CADPS: variants seen among roughly 807,000 people sequenced by gnomAD.
The protein encoded by CADPS is calcium dependent secretion activator.
A neutral mutation model predicts 167.3 loss-of-function variants in CADPS; 57 were observed. That is an observed-to-expected ratio of 0.34 (90% CI 0.28 to 0.42). CADPS has a LOEUF of 0.42. Ranked by LOEUF, CADPS falls within the 20% of genes least tolerant of loss-of-function variation. CADPS has a pLI of 1.00. For missense variants in CADPS, 1,414 were observed against 1,738.1 expected (o/e 0.81, Z 3.32); for synonymous variants, 676 against 635.3 (o/e 1.06, Z -0.96).
chr3:62,481,829 C>T lies in CADPS; in HGVS notation c.3067G>A (p.Val1023Met). 2.5e-6 allele frequency: 4 copies of T among 1,611,410 alleles called. No individual in the cohort carries two copies. Among genetic ancestry groups the T allele is most frequent in the Non-Finnish European group, 3.4e-6 (4 of 1,178,902 alleles). Reference protein sequence around the residue: ...SNLPNVNLPNVNLPKVPNLPV... With the variant: ...SNLPNVNLPNMNLPKVPNLPV... ...AGATTTGGTACTTTGGGAAGGTTCA[C>T]ATTGGGTAGGTTCACATTGGGTAGG... The change falls in exon 22 of 30, where the codon GTG becomes ATG. Residue 1023 changes from valine to methionine, a missense_variant. Physicochemically the swap from Val to Met is conservative, Grantham distance 21. Coordinates refer to ENST00000383710, the MANE Select transcript of CADPS (RefSeq NM_003716.4).
intron 24 of CADPS, chr3:62,467,262 C>T: frequency 8.7e-7 from 1 of 1,144,954 alleles, no homozygotes; most frequent in Non-Finnish European, 1.1e-6. Context: ...AATAACAATG[C>T]AAGACATTGT....
intron 11 of CADPS, among the ~76,000 whole-genome samples, chr3:62,546,425 AT>A (rs1169370410): frequency 6.6e-6 from 1 of 152,156 alleles, no homozygotes; most frequent in Non-Finnish European, 1.5e-5. Flanking sequence ...CACGGTAAGT[AT>A]GAATCAACAC....
chr3:62,489,043 G>T (rs1005954656), intron 21 of CADPS, among the ~76,000 whole-genome samples: 1 of 151,980 alleles, frequency 6.6e-6, no homozygotes, highest in Non-Finnish European at 1.5e-5. Flanking sequence ...ATATTCCCAA[G>T]AAAACATCCC....
chr3:62,668,909 G>C (rs958643564), intron 3 of CADPS, among the ~76,000 whole-genome samples: 23 of 152,184 alleles, frequency 1.5e-4, no homozygotes, highest in African/African-American at 5.5e-4. Flanking sequence ...AACGATCAGT[G>C]AGGGCTGGGA....
intron 3 of CADPS, among the ~76,000 whole-genome samples, chr3:62,703,834 A>G (rs1469362773): frequency 3.3e-5 from 5 of 152,156 alleles, no homozygotes; most frequent in Admixed American, 3.3e-4. Context: ...TCCCCAATGC[A>G]GCAGTCGGCA....
Position 62,874,756 on chromosome 3 carries a change from G to T in CADPS, c.274C>A (p.Pro92Thr). The change falls in exon 1 of 30, where the codon CCC becomes ACC. Residue 92 changes from proline (P) to threonine (T), a missense_variant. This residue lies in a region of CADPS where 522 missense variants were observed against 559.5 expected (regional missense o/e 0.93). Transcript: ENST00000383710. This position sits in a 1 kb window ranked among gnomAD's most constrained non-coding sequence, Gnocchi z 7.1. ...SRAGGGRPSSPSPSVVSEKEK... is the reference protein window; with the variant it reads ...SRAGGGRPSSTSPSVVSEKEK... ...TTCTCGCTCACCACCGACGGGCTGG[G>T]GCTGGAGGGCCGGCCGCCGCCAGCG... 1 of 1,475,764 alleles carries T rather than the reference G, an allele frequency of 6.8e-7. No homozygotes were observed. Among genetic ancestry groups the T allele is most frequent in the Non-Finnish European group, 9.2e-7 (1 of 1,087,868 alleles). The allele number at this position is 1,475,764 out of a possible 1,614,324, so 91.4% of individuals were successfully genotyped here.
chr3:62,417,284 T>C (rs1210971917), intron 28 of CADPS, among the ~76,000 whole-genome samples: 8 of 127,336 alleles, frequency 6.3e-5, no homozygotes, highest in South Asian at 5.9e-4. Flanking sequence ...CTCTTTTTTT[T>C]TTTTTTTTTT....
At chr3:62,592,828 T>A (rs2086357639) in intron 6 of CADPS, 80 bp from the exon 7 acceptor site, 2 of 1,038,246 alleles carry the variant, frequency 1.9e-6, no homozygotes. Context: ...CCAGGTCAGG[T>A]GAATGCAGGG....
Position 62,438,233 on chromosome 3 carries a change from T to G in CADPS, c.3670-22A>C. 6.3e-7 allele frequency: 1 copy of G among 1,575,450 alleles called. No homozygotes were observed. The stretch of plus-strand genomic sequence containing the variant: ...GTTTCTGTAAAGAAACAGGAAAACA[T>G]GAAAACGAATTTTCAGACAGCCACT... On this transcript the variant is annotated intron_variant, in intron 27 of 29. Transcript: ENST00000383710. This position sits in a 1 kb window ranked among gnomAD's most constrained non-coding sequence, Gnocchi z 4.7.
At chr3:62,569,797 T>C (rs907268592) in intron 9 of CADPS, among the ~76,000 whole-genome samples, 1 of 152,192 alleles carries the variant, frequency 6.6e-6, no homozygotes, top group Non-Finnish European at 1.5e-5. Context: ...ATAAATTAGA[T>C]TTCTGCAAAT....
intron 2 of CADPS, among the ~76,000 whole-genome samples, chr3:62,758,625 GT>G (rs2084603653): frequency 6.6e-6 from 1 of 152,192 alleles, no homozygotes; most frequent in South Asian, 2.1e-4. Context: ...GTTTGTTTCT[GT>G]TTTTGCTTTT....
intron 3 of CADPS, among the ~76,000 whole-genome samples, chr3:62,696,466 G>A (rs953320927): frequency 3.3e-5 from 5 of 151,956 alleles, no homozygotes; most frequent in South Asian, 4.2e-4. Flanking sequence ...ATAGGGCCCT[G>A]CCTCTGAGCT....
In CADPS at chr3:62,616,052, C is replaced by T. The variant is rs538152911; in HGVS notation, c.1326-23304G>A. Among the ~76,000 whole-genome samples the T allele has an allele frequency of 1.7e-3, 259 of 152,202 alleles. 1 individual carries two copies. Among genetic ancestry groups the T allele is most frequent in the African/African-American group, 2.9e-3 (120 of 41,546 alleles). On this transcript the variant is annotated intron_variant, in intron 6 of 29. Coordinates refer to ENST00000383710, the MANE Select transcript of CADPS (RefSeq NM_003716.4). ...TTTTCCTTTGCCTACAAATGTTTTT[C>T]CCCTTTTCTATCAGTAGCTTAGGCT...
intron 1 of CADPS, among the ~76,000 whole-genome samples, chr3:62,851,526 A>T: frequency 1.4e-5 from 2 of 145,028 alleles, no homozygotes; most frequent in African/African-American, 5.1e-5. Context: ...TTTCTCCTTC[A>T]CTTATGAAGC....
At chr3:62,613,991 T>C (rs2061878177) in intron 6 of CADPS, among the ~76,000 whole-genome samples, 1 of 151,910 alleles carries the variant, frequency 6.6e-6, no homozygotes, top group African/African-American at 2.4e-5. Flanking sequence ...CCTGAGAGAG[T>C]GCTCCCACCT....
chr3:62,797,709 A>G (rs140712022), intron 1 of CADPS, among the ~76,000 whole-genome samples: 2,090 of 152,100 alleles, frequency 0.014, 29 homozygotes, highest in South Asian at 0.031. Context: ...AAAATAACTA[A>G]CGGGTACTAG....
intron 7 of CADPS, among the ~76,000 whole-genome samples, chr3:62,592,218 G>A (rs977774836): frequency 2.0e-5 from 3 of 152,110 alleles, no homozygotes; most frequent in Non-Finnish European, 4.4e-5. Context: ...TGTACATTTT[G>A]AAGTTTTTTA....
chr3:62,429,611 G>T (rs980995100), intron 28 of CADPS, among the ~76,000 whole-genome samples: 5 of 151,374 alleles, frequency 3.3e-5, no homozygotes, highest in African/African-American at 1.2e-4. Context: ...TACTCTGTGT[G>T]TTTGTGTGTG....
chr3:62,824,186 A>AAAAGAAAG (rs565756948), intron 1 of CADPS, among the ~76,000 whole-genome samples: 1 of 152,000 alleles, frequency 6.6e-6, no homozygotes, highest in Non-Finnish European at 1.5e-5. Context: ...AAAAAAAGAA[A>AAAAGAAAG]AAAGAAAGAA....
Sources: allele counts gnomAD v4.1 joint callset (sites outside exome capture counted in the v4.1 genomes callset), GRCh38; gene constraint gnomAD v4.1.1; regional missense constraint gnomAD v4.1.1; non-coding constraint Gnocchi (gnomAD v3.1); transcripts MANE v1.5; gene names NCBI Gene and HGNC (gene_info 2026-07-23, HGNC 2026-07-21).